Variants in RPTOR observed in about 807,000 individuals in gnomAD.
RPTOR encodes regulatory associated protein of MTOR complex 1, also known as regulatory-associated protein of mTOR.
A neutral mutation model predicts 169.9 loss-of-function variants in RPTOR; 21 were observed. The ratio of observed to expected loss-of-function variants is 0.12; its 90% CI spans 0.09 to 0.18. The LOEUF is 0.18. Ranked by LOEUF, RPTOR falls within the 10% of genes least tolerant of loss-of-function variation. The probability of loss-of-function intolerance (pLI) is 1.00; values close to 1 mark genes in which losing one functional copy is unlikely to be tolerated. For synonymous variants in RPTOR, 732 were observed against 753.2 expected, an observed-to-expected ratio of 0.97 and a Z score of 0.46; for missense variants, 1,133 against 1,855.9, an observed-to-expected ratio of 0.61 and a Z score of 7.16.
chr17:80,668,986 C>G (rs537857567), intron 3 of RPTOR, among the ~76,000 whole-genome samples: 1 of 152,200 alleles, frequency 6.6e-6, no homozygotes, highest in East Asian at 1.9e-4. Context: ...TGCTGCCTCC[C>G]GGGTGCTTCT....
intron 3 of RPTOR, among the ~76,000 whole-genome samples, chr17:80,661,816 T>C (rs1295607559): frequency 2.0e-5 from 3 of 152,056 alleles, no homozygotes; most frequent in African/African-American, 7.3e-5. Context: ...AGACAGTGGC[T>C]GTGATGAACG....
intron 21 of RPTOR, among the ~76,000 whole-genome samples, chr17:80,921,612 T>G (rs916714540): frequency 6.6e-6 from 1 of 152,234 alleles, no homozygotes; most frequent in African/African-American, 2.4e-5. Flanking sequence ...TCTTGCCTCC[T>G]GAATGCCAGG....
chr17:80,877,070 G>A (rs2068128608), intron 13 of RPTOR, among the ~76,000 whole-genome samples: 1 of 150,706 alleles, frequency 6.6e-6, no homozygotes. Flanking sequence ...CGCCTGCTGG[G>A]TCTTCCCACT....
chr17:80,892,769 C>G lies in RPTOR; in HGVS notation c.2142C>G (p.Thr714=). Residue 714 remains threonine, a synonymous_variant, in exon 19 of 34, where the codon ACC becomes ACG. Transcript: ENST00000306801. ...SLTPVRDSPC[T]PRLRSVSSYG... is the part of the protein sequence containing the mutation. ...CCCCAGTGCGAGACAGCCCGTGCAC[C>G]CCCAGACTTCGTTCTGTGAGCTCCT... The G allele has an allele frequency of 6.2e-7, 1 of 1,614,176 alleles. No individual in the cohort carries two copies. Among genetic ancestry groups the G allele is most frequent in the Non-Finnish European group, 8.5e-7 (1 of 1,180,028 alleles).
rs555317551 is a variant in RPTOR at position 80,842,901 on chromosome 17, T to G, written c.1213-3572T>G. ...CGCGTGGCTCCCTCTGTTCCCTCCT[T>G]TGCACCAAGGGCCATGTTCACATGG... On this transcript the variant is annotated intron_variant, in intron 10 of 33. Transcript: ENST00000306801. 1.4e-4 allele frequency among the ~76,000 whole-genome samples: 21 copies of G among 152,300 alleles called. No individual in the cohort carries two copies. In the South Asian group the frequency reaches 4.1e-3, roughly 30 times the overall value.
intron 3 of RPTOR, among the ~76,000 whole-genome samples, chr17:80,681,490 C>T (rs904151252): frequency 6.6e-6 from 1 of 152,190 alleles, no homozygotes; most frequent in South Asian, 2.1e-4. Context: ...TTCTCGAGTG[C>T]TGCGGGGAGT....
intron 4 of RPTOR, among the ~76,000 whole-genome samples, chr17:80,718,517 C>T (rs1486057579): frequency 6.6e-6 from 1 of 151,614 alleles, no homozygotes; most frequent in African/African-American, 2.4e-5. Context: ...TTGGCCCCTT[C>T]AGAGAGAGAG....
chr17:80,847,601 A>G (rs55657316), intron 11 of RPTOR, among the ~76,000 whole-genome samples: 10,960 of 152,234 alleles, frequency 0.072, 1,260 homozygotes, highest in African/African-American at 0.25. Context: ...CAGGCAGGGA[A>G]TGAGCAGGCC....
At chr17:80,826,172 C>G (rs2067440732) in intron 9 of RPTOR, among the ~76,000 whole-genome samples, 1 of 152,134 alleles carries the variant, frequency 6.6e-6, no homozygotes, top group Non-Finnish European at 1.5e-5. Context: ...AAACCTTGAT[C>G]CTGAAGGGGA....
chr17:80,570,077 G>C (rs964150767), intron 1 of RPTOR, among the ~76,000 whole-genome samples: 16 of 151,974 alleles, frequency 1.1e-4, no homozygotes, highest in Admixed American at 1.0e-3. Flanking sequence ...CTCTCATTCT[G>C]GCTGCTGTGG....
rs1020172264 is a variant in RPTOR, at chr17:80,708,220, G to T, written c.507+221G>T. ...CATGGAATGACTGCCTTGAAGTGTG[G>T]TGCGTGTGGTTTATGTTCCCTCTGT... On this transcript the variant is annotated intron_variant, in intron 4 of 33. Coordinates refer to ENST00000306801, the MANE Select transcript of RPTOR (RefSeq NM_020761.3). This position sits in a 1 kb window ranked among gnomAD's most constrained non-coding sequence, Gnocchi z 4.2. 2.0e-5 allele frequency among the ~76,000 whole-genome samples: 3 copies of T among 152,178 alleles called. No homozygotes were observed. Among genetic ancestry groups the T allele is most frequent in the African/African-American group, 7.2e-5 (3 of 41,444 alleles).
chr17:80,742,581 CAT>C (rs372866014), intron 5 of RPTOR, among the ~76,000 whole-genome samples: 3,011 of 151,736 alleles, frequency 0.02, 101 homozygotes, highest in African/African-American at 0.069. Flanking sequence ...CACACATAGA[CAT>C]ATATGCATAT....
chr17:80,859,945 T>C (rs56233717), intron 13 of RPTOR, among the ~76,000 whole-genome samples: 55,019 of 152,178 alleles, frequency 0.36, 12,236 homozygotes, highest in African/African-American at 0.64. Flanking sequence ...GCGCCGGGTC[T>C]GGAGCTCCTT....
At chr17:80,932,278 A>T (rs1319557733) in intron 24 of RPTOR, among the ~76,000 whole-genome samples, 1 of 152,076 alleles carries the variant, frequency 6.6e-6, no homozygotes, top group Non-Finnish European at 1.5e-5. Flanking sequence ...GGCCAAGACA[A>T]GAGGATCACT....
chr17:80,605,849 G>T (rs943460978), intron 1 of RPTOR, among the ~76,000 whole-genome samples: 1 of 152,154 alleles, frequency 6.6e-6, no homozygotes, highest in Admixed American at 6.5e-5. Flanking sequence ...TCAGACGGAG[G>T]GTGGATTTGC....
chr17:80,850,421 G>T (rs2067781092), intron 11 of RPTOR, among the ~76,000 whole-genome samples: 1 of 152,216 alleles, frequency 6.6e-6, no homozygotes, highest in Non-Finnish European at 1.5e-5. Context: ...AGTATTCCAT[G>T]ATGCACAGAC....
intron 19 of RPTOR, among the ~76,000 whole-genome samples, chr17:80,893,114 C>T (rs2068347116): frequency 6.6e-6 from 1 of 152,276 alleles, no homozygotes; most frequent in Non-Finnish European, 1.5e-5. Context: ...AGCGCAGCCG[C>T]AGTTGAGGCG....
At chr17:80,656,223 A>G (rs779972038) in intron 3 of RPTOR, among the ~76,000 whole-genome samples, 5 of 152,130 alleles carry the variant, frequency 3.3e-5, no homozygotes, top group Non-Finnish European at 7.4e-5. Context: ...GGCATGTGCC[A>G]CCACACCCGG....
intron 3 of RPTOR, among the ~76,000 whole-genome samples, chr17:80,687,487 C>T (rs2065957355): frequency 6.6e-6 from 1 of 151,646 alleles, no homozygotes; most frequent in Non-Finnish European, 1.5e-5. Context: ...GTCTTGTTTT[C>T]TGTGTCATTG....
Sources: gnomAD v4.1 joint callset for allele counts (sites outside exome capture counted in the v4.1 genomes callset) on GRCh38, gnomAD v4.1.1 for gene constraint, Gnocchi (gnomAD v3.1) non-coding constraint, MANE v1.5 for transcripts, NCBI Gene and HGNC (gene_info 2026-07-23, HGNC 2026-07-21) for gene names.